Variants in GNG2 observed in about 807,000 individuals in gnomAD.
The protein encoded by GNG2 is guanine nucleotide-binding protein G(I)/G(S)/G(O) subunit gamma-2.
A neutral mutation model predicts 5.5 loss-of-function variants in GNG2; 5 were observed. The observed-to-expected ratio is 0.91, with a 90% CI of 0.48 to 1.92. The LOEUF is 1.92. Ranked by LOEUF, GNG2 falls within the 30% of genes most tolerant of loss-of-function variation. The pLI is 0.01. For missense variants in GNG2, 55 were observed against 88.4 expected (o/e 0.62, Z 1.52); for synonymous variants, 28 against 32.0 (o/e 0.88, Z 0.42).
intron 2 of GNG2, among the ~76,000 whole-genome samples, chr14:51,915,835 G>A (rs1172978359): frequency 6.6e-6 from 1 of 152,186 alleles, no homozygotes; most frequent in Non-Finnish European, 1.5e-5. Context: ...AACAGCTGCT[G>A]TACTCTGTTC....
At chr14:51,931,020 C>T (rs1250797102) in intron 2 of GNG2, among the ~76,000 whole-genome samples, 6 of 152,200 alleles carry the variant, frequency 3.9e-5, no homozygotes, top group Middle Eastern at 3.4e-3. Flanking sequence ...TGCTTGAGCC[C>T]GGGATCCCAG....
intron 2 of GNG2, among the ~76,000 whole-genome samples, chr14:51,883,178 T>C: frequency 6.6e-6 from 1 of 152,226 alleles, no homozygotes; most frequent in Non-Finnish European, 1.5e-5. Context: ...TTTCAAGGCA[T>C]GACTGCATAG....
At position 51,950,696 on chromosome 14, in the gene GNG2, C is replaced by T. The variant is rs748853029; in HGVS notation, c.18C>T (p.Thr6=). The T allele has an allele frequency of 1.5e-5, 24 of 1,611,458 alleles. No homozygotes were observed. The highest frequency in any genetic ancestry group is 1.6e-4 in the Middle Eastern group (1 of 6,080). The change falls in exon 3 of 4, where the codon ACC becomes ACT. Residue 6 remains threonine, a synonymous_variant. Coordinates refer to ENST00000556766, the MANE Select transcript of GNG2 (RefSeq NM_053064.5). MASNN[T]ASIAQARKLV... The stretch of plus-strand genomic sequence containing the variant: ...GCACTCCGATGGCCAGCAACAACAC[C>T]GCCAGCATAGCACAAGCCAGGAAGC...
At chr14:51,841,701 T>A (rs527747643) in intron 2 of GNG2, 77 of 597,492 alleles carry the variant, frequency 1.3e-4, no homozygotes, top group African/African-American at 1.3e-3. Context: ...AAAATCACTT[T>A]GTAGGAAATA....
At chr14:51,868,443 G>A (rs1883073092) in intron 1 of GNG2, among the ~76,000 whole-genome samples, 1 of 152,184 alleles carries the variant, frequency 6.6e-6, no homozygotes, top group South Asian at 2.1e-4. Flanking sequence ...AGTAGTGAGT[G>A]CTTTGATGGA....
At chr14:51,855,751 G>C (rs1005105134), upstream of GNG2, among the ~76,000 whole-genome samples, 3 of 152,114 alleles carry the variant, frequency 2.0e-5, no homozygotes, top group Non-Finnish European at 4.4e-5. Flanking sequence ...GCACTCAAGG[G>C]CTGGCTTTGC....
intron 2 of GNG2, among the ~76,000 whole-genome samples, chr14:51,840,602 T>C (rs12147670): frequency 0.23 from 34,226 of 152,082 alleles, 4,559 homozygotes; most frequent in African/African-American, 0.36. Flanking sequence ...GTGCCTGGAT[T>C]GTCATTCATT....
chr14:51,832,105 C>A (rs1202967766), intron 2 of GNG2, among the ~76,000 whole-genome samples: 1 of 151,106 alleles, frequency 6.6e-6, no homozygotes, highest in Non-Finnish European at 1.5e-5. Context: ...CATGGCGAGA[C>A]CCTGTCTGTA....
At chr14:51,831,259 T>C (rs2140070377) in intron 2 of GNG2, among the ~76,000 whole-genome samples, 2 of 152,344 alleles carry the variant, frequency 1.3e-5, no homozygotes, top group Middle Eastern at 6.8e-3. Context: ...AAAAACATTT[T>C]TTGCCAACAT....
At chr14:51,881,456 C>A (rs375757453) in intron 2 of GNG2, among the ~76,000 whole-genome samples, 2 of 152,082 alleles carry the variant, frequency 1.3e-5, no homozygotes, top group African/African-American at 2.4e-5. Flanking sequence ...TGGGTAAAGA[C>A]GCTTGCTGGG....
At chr14:51,911,449 C>T (rs543174281) in intron 2 of GNG2, among the ~76,000 whole-genome samples, 4 of 152,118 alleles carry the variant, frequency 2.6e-5, no homozygotes, top group Admixed American at 6.5e-5. Flanking sequence ...GAGTTCAAAT[C>T]GTGGCCCCTC....
At chr14:51,885,794 T>C (rs1884419188) in intron 2 of GNG2, among the ~76,000 whole-genome samples, 1 of 152,036 alleles carries the variant, frequency 6.6e-6, no homozygotes, top group Non-Finnish European at 1.5e-5. Context: ...GGGAATGATA[T>C]AGTTGAGGTG....
intron 2 of GNG2, among the ~76,000 whole-genome samples, chr14:51,942,112 C>G (rs1198900927): frequency 5.9e-5 from 9 of 152,076 alleles, no homozygotes; most frequent in Admixed American, 5.9e-4. Context: ...GACCAGATAT[C>G]GATAAAGCAT....
chr14:51,951,003 C>T (rs185614595), intron 3 of GNG2, among the ~76,000 whole-genome samples: 1 of 151,944 alleles, frequency 6.6e-6, no homozygotes, highest in East Asian at 1.9e-4. Flanking sequence ...AAAAGCAAAA[C>T]AGGCTCATGG....
At chr14:51,952,332 C>T (rs1260253313) in intron 3 of GNG2, among the ~76,000 whole-genome samples, 3 of 152,322 alleles carry the variant, frequency 2.0e-5, no homozygotes, top group Admixed American at 1.3e-4. Context: ...ATCACTAAAG[C>T]GACCTTACCG....
At chr14:51,841,547 G>C in intron 2 of GNG2, 1 of 702,156 alleles carries the variant, frequency 1.4e-6, no homozygotes, top group South Asian at 1.5e-5. Context: ...AGCTAATTAA[G>C]TGTTGGAGCC....
At chr14:51,910,352 G>A (rs564923259) in intron 2 of GNG2, among the ~76,000 whole-genome samples, 1 of 152,146 alleles carries the variant, frequency 6.6e-6, no homozygotes, top group Non-Finnish European at 1.5e-5. Flanking sequence ...AGGCCAATGT[G>A]GTCAGAGGGA....
At chr14:51,880,981 A>AC (rs1309547271) in intron 2 of GNG2, among the ~76,000 whole-genome samples, 7 of 150,956 alleles carry the variant, frequency 4.6e-5, no homozygotes, top group African/African-American at 9.7e-5. Context: ...AAAAAAAAAA[A>AC]AAAAAAACCC....
chr14:51,911,249 A>ATGTG (rs1271601468), intron 2 of GNG2, among the ~76,000 whole-genome samples: 1 of 152,180 alleles, frequency 6.6e-6, no homozygotes, highest in African/African-American at 2.4e-5. Context: ...CCCTATGTAC[A>ATGTG]TGTGTATGTA....
Sources: allele counts gnomAD v4.1 joint callset (sites outside exome capture counted in the v4.1 genomes callset), GRCh38; gene constraint gnomAD v4.1.1; transcripts MANE v1.5; gene names NCBI Gene and HGNC (gene_info 2026-07-23, HGNC 2026-07-21).